Variants in ABCA13 observed in about 807,000 individuals in gnomAD.
ABCA13 encodes the protein ATP binding cassette subfamily A member 13, also known as ATP-binding cassette sub-family A member 13.
A neutral mutation model predicts 478.7 loss-of-function variants in ABCA13; 476 were observed. The ratio of observed to expected loss-of-function variants is 0.99; its 90% CI spans 0.92 to 1.07. The LOEUF is 1.07. ABCA13 is among the 50% of genes least tolerant of loss of function. ABCA13 has a pLI of 0.00. For synonymous variants in ABCA13, 2,252 were observed against 2,158.9 expected, an observed-to-expected ratio of 1.04 and a Z score of -1.20; for missense variants, 6,060 against 5,910.6, an observed-to-expected ratio of 1.03 and a Z score of -0.83.
chr7:48,627,668 A>G (rs1793787891), intron 59 of ABCA13, among the ~76,000 whole-genome samples: 1 of 152,196 alleles, frequency 6.6e-6, no homozygotes, highest in Non-Finnish European at 1.5e-5. Flanking sequence ...TGTTACTATA[A>G]CAGAATACCA....
intron 59 of ABCA13, among the ~76,000 whole-genome samples, chr7:48,623,735 C>A (rs1455102405): frequency 1.3e-5 from 2 of 152,120 alleles, no homozygotes; most frequent in Admixed American, 1.3e-4. Flanking sequence ...CTGTCAGAGT[C>A]CCACCCAGCA....
intron 38 of ABCA13, among the ~76,000 whole-genome samples, chr7:48,395,625 C>G (rs191110589): frequency 6.6e-6 from 1 of 152,338 alleles, no homozygotes; most frequent in East Asian, 1.9e-4. Flanking sequence ...TCCTCCTCCT[C>G]AGCCTACTCA....
intron 58 of ABCA13, among the ~76,000 whole-genome samples, chr7:48,604,387 T>C (rs1791245152): frequency 6.6e-6 from 1 of 152,226 alleles, no homozygotes; most frequent in Non-Finnish European, 1.5e-5. Flanking sequence ...AATTTCCCTC[T>C]ACACACGGCT....
At chr7:48,546,685 G>C (rs1918599) in intron 55 of ABCA13, among the ~76,000 whole-genome samples, 21,174 of 151,016 alleles carry the variant, frequency 0.14, 2,028 homozygotes, top group African/African-American at 0.23. Flanking sequence ...TTAAGTGACC[G>C]TATCATAGAA....
intron 35 of ABCA13, among the ~76,000 whole-genome samples, chr7:48,385,163 C>T (rs1814985754): frequency 6.6e-6 from 1 of 152,140 alleles, no homozygotes; most frequent in South Asian, 2.1e-4. Context: ...CTTTTAAGTG[C>T]AGGGGTACAT....
intron 59 of ABCA13, among the ~76,000 whole-genome samples, chr7:48,624,807 A>C (rs1793508996): frequency 6.6e-6 from 1 of 152,102 alleles, no homozygotes; most frequent in South Asian, 2.1e-4. Flanking sequence ...TGCCCGCCTC[A>C]GTCTCCCAAA....
At chr7:48,234,279 C>A in intron 8 of ABCA13, 128 bp downstream of exon 8, 1 of 1,268,784 alleles carries the variant, frequency 7.9e-7, no homozygotes, top group South Asian at 1.2e-5. Context: ...CGGTCAAAAC[C>A]CGAGCTCCTT....
Position 48,245,529 on chromosome 7 carries a change from G to C in ABCA13, c.1408G>C (p.Glu470Gln), listed in dbSNP as rs753903716. 11 of 1,611,790 alleles carry C rather than the reference G, an allele frequency of 6.8e-6. No individual in the cohort carries two copies. The highest frequency in any genetic ancestry group is 5.1e-6 in the Non-Finnish European group (6 of 1,179,256). ...CTTTGCAGAAGTCCTCATTTGCCTG[G>C]AGACATCAGCTAATGATTTTAAATG... Reference protein sequence around the residue: ...HFVQEVLICLETSANDFKWFE... With the variant: ...HFVQEVLICLQTSANDFKWFE... The change falls in exon 12 of 62, where the codon GAG becomes CAG. Residue 470 changes from glutamate to glutamine, a missense_variant. Glu to Gln is a conservative substitution (Grantham distance 29). This residue lies in a region of ABCA13 where 4,423 missense variants were observed against 4,309.1 expected (regional missense o/e 1.03). Coordinates refer to ENST00000435803, the MANE Select transcript of ABCA13 (RefSeq NM_152701.5).
At chr7:48,240,722 C>A in intron 9 of ABCA13, 145 bp from the exon 10 acceptor site, 3 of 562,992 alleles carry the variant, frequency 5.3e-6, no homozygotes, top group Non-Finnish European at 8.3e-6. Context: ...AATCATACTG[C>A]AATTGCTAAC....
intron 42 of ABCA13, 110 bp downstream of exon 42, chr7:48,427,981 A>G: frequency 1.4e-6 from 1 of 717,778 alleles, no homozygotes; most frequent in Middle Eastern, 2.4e-4. Flanking sequence ...GTTAGTGAGG[A>G]GATGTGAGTG....
At chr7:48,571,337 A>C (rs1428008020) in intron 55 of ABCA13, among the ~76,000 whole-genome samples, 1 of 152,172 alleles carries the variant, frequency 6.6e-6, no homozygotes, top group Non-Finnish European at 1.5e-5. Flanking sequence ...TTCAGCTTAA[A>C]GACTTCATTT....
At chr7:48,442,067 A>G (rs1420155734) in intron 42 of ABCA13, among the ~76,000 whole-genome samples, 2 of 152,220 alleles carry the variant, frequency 1.3e-5, no homozygotes, top group Non-Finnish European at 2.9e-5. Context: ...TACCATGGCC[A>G]GTGCCCATGG....
At chr7:48,237,073 G>A (rs569538661) in intron 8 of ABCA13, among the ~76,000 whole-genome samples, 38 of 141,106 alleles carry the variant, frequency 2.7e-4, no homozygotes, top group African/African-American at 1.0e-3. Flanking sequence ...AATGAGTTTC[G>A]CCGATTGGTT....
intron 26 of ABCA13, among the ~76,000 whole-genome samples, chr7:48,315,043 A>C (rs969472151): frequency 6.6e-6 from 1 of 152,160 alleles, no homozygotes; most frequent in Non-Finnish European, 1.5e-5. Context: ...TGGAGTTTAG[A>C]CGGTTCAGCT....
At chr7:48,372,039 C>G in intron 32 of ABCA13, 129 bp from the exon 33 acceptor site, 2 of 902,750 alleles carry the variant, frequency 2.2e-6, no homozygotes, top group Non-Finnish European at 3.3e-6. Context: ...CAGGGCCCTT[C>G]ACAGGGCTGA....
Position 48,483,174 on chromosome 7 carries a change from T to A in ABCA13, c.13182+11T>A, listed in dbSNP as rs1303970170. On this transcript the variant is annotated intron_variant, in intron 47 of 61. Transcript: ENST00000435803. ...CCAACTCTGGCAAAGGTAATCATAT[T>A]TTTTTATTTTTTTCCTGTTTTAGAA... 2 of 1,598,548 alleles carry A rather than the reference T, an allele frequency of 1.3e-6. No individual in the cohort carries two copies. The highest frequency in any genetic ancestry group is 1.7e-6 in the Non-Finnish European group (2 of 1,171,292).
intron 1 of ABCA13, among the ~76,000 whole-genome samples, chr7:48,173,374 G>C (rs1050654073): frequency 1.3e-5 from 2 of 152,214 alleles, no homozygotes; most frequent in African/African-American, 4.8e-5. Flanking sequence ...ACCCAGAACA[G>C]TGCCTGGCAC....
intron 29 of ABCA13, among the ~76,000 whole-genome samples, chr7:48,345,556 A>G (rs1362059485): frequency 1.3e-5 from 2 of 152,216 alleles, no homozygotes; most frequent in Non-Finnish European, 2.9e-5. Context: ...AAAAATAAAA[A>G]CAAGCTAGCT....
At chr7:48,237,022 T>G (rs1450857074) in intron 8 of ABCA13, among the ~76,000 whole-genome samples, 1 of 151,268 alleles carries the variant, frequency 6.6e-6, no homozygotes, top group Admixed American at 6.6e-5. Flanking sequence ...GTTTTTTTTT[T>G]TTTTTTTTTT....
Sources: allele counts gnomAD v4.1 joint callset (sites outside exome capture counted in the v4.1 genomes callset), GRCh38; gene constraint gnomAD v4.1.1; regional missense constraint gnomAD v4.1.1; transcripts MANE v1.5; gene names NCBI Gene and HGNC (gene_info 2026-07-23, HGNC 2026-07-21).